The following COL6A1 variants were observed in gnomAD, a reference collection of about 807,000 sequenced individuals.
COL6A1 encodes the protein collagen alpha-1(VI) chain.
COL6A1 carries 80 observed loss-of-function variants against 145.6 expected under a neutral mutation model. The observed-to-expected ratio is 0.55, with a 90% confidence interval of 0.46 to 0.66. The LOEUF is 0.66. COL6A1 is among the 30% of genes least tolerant of loss of function. The pLI is 0.00. For synonymous variants in COL6A1, 638 were observed against 622.8 expected (o/e 1.02, Z -0.36); for missense variants, 1,364 against 1,473.8 (o/e 0.93, Z 1.22).
In COL6A1 at chr21:45,990,777, A is replaced by C. The variant is rs2077772047; in HGVS notation, c.1007A>C (p.Glu336Ala). The part of the protein sequence containing the change: ...GIDGVDGVKG[E>A]MGYPGLPGCK... ...TAGTTTTCTTCCTCTTTCCAGGGGG[A>C]GATGGGGTACCCAGGCCTGCCAGGC... Residue 336 changes from glutamate (E) to alanine (A), a missense_variant, in exon 14 of 35, where the codon GAG (glutamate) becomes GCG (alanine). Around this residue, in one of 3 missense-constraint regions of COL6A1, gnomAD observed 938 missense variants for 1,003.8 expected, o/e 0.93. Transcript: ENST00000361866. 1.2e-6 allele frequency: 2 copies of C among 1,612,812 alleles called. No homozygotes were observed. Among genetic ancestry groups the C allele is most frequent in the East Asian group, 4.5e-5 (2 of 44,830 alleles).
rs560001473 is a variant in COL6A1, at chr21:45,987,019, C to T, written c.664C>T (p.Arg222Cys). The T allele has an allele frequency of 6.4e-6, 10 of 1,551,350 alleles. No homozygotes were observed. The highest frequency in any genetic ancestry group is 2.7e-5 in the African/African-American group (2 of 73,368). The part of the protein sequence containing the change: ...NFTAADWGQS[R>C]DAEEAISQTI... ...CACGGCGGCTGACTGGGGCCAGAGC[C>T]GCGACGCAGAGGAGGCCATCAGCCA... The change falls in exon 5 of 35, where the codon CGC (arginine) becomes TGC (cysteine). Residue 222 changes from arginine to cysteine, a missense_variant. Physicochemically the swap from Arg to Cys is radical, Grantham distance 180 (BLOSUM62 -3). Transcript: ENST00000361866.
At chr21:45,982,833 G>T in intron 2 of COL6A1, 70 bp downstream of exon 2, 2 of 1,593,492 alleles carry the variant, frequency 1.3e-6, no homozygotes, top group Non-Finnish European at 1.7e-6. Context: ...GGGGGCCCAG[G>T]GGAACACGGG....
chr21:46,004,496 T>G lies in COL6A1; in HGVS notation c.*483T>G, dbSNP rs1484006352. ...GCCGCACTAGCCTCCCTCTCCTCTG[T>G]CCCCATAGCTGGTTTTTCCCACCAA... On this transcript the variant is annotated 3_prime_UTR_variant, in exon 35 of 35. Transcript: ENST00000361866. The G allele has an allele frequency of 9.4e-6, 3 of 318,636 alleles. No homozygotes were observed. The highest frequency in any genetic ancestry group is 1.9e-5 in the Non-Finnish European group (3 of 156,430). The allele number at this position is 318,636 out of a possible 1,614,324, so 19.7% of individuals were successfully genotyped here. A position where few individuals can be genotyped will look rare whatever the true frequency, so the allele number is the denominator to read the frequency against.
rs7275706 is a variant in COL6A1, at chr21:45,992,092, C to T, written c.1182+20C>T. The T allele has an allele frequency of 1.3e-3, 2,095 of 1,613,386 alleles. 18 individuals are homozygous for T. The African/African-American group carries it at 0.023, about 17-fold the overall frequency. On this transcript the variant is annotated intron_variant, in intron 16 of 34. Coordinates refer to ENST00000361866, the MANE Select transcript of COL6A1 (RefSeq NM_001848.3). Reference sequence around the variant, plus strand: ...GACGAGGTGAGGAGCTTCACAGCCCCCACACATGCCAGGTATGGGCCCAGG... The same window carrying T: ...GACGAGGTGAGGAGCTTCACAGCCCTCACACATGCCAGGTATGGGCCCAGG...
chr21:46,002,729 G>A lies in COL6A1; in HGVS notation c.2434+19G>A, dbSNP rs571644858. ...TGCATAGGTGCGCATGGGGCCACCC[G>A]GGCAGTCCCAGATCTGCGTAGGTGC... On this transcript the variant is annotated intron_variant, in intron 33 of 34. Transcript: ENST00000361866. 4.5e-5 allele frequency: 71 copies of A among 1,562,802 alleles called. No homozygotes were observed. The highest frequency in any genetic ancestry group is 3.7e-4 in the African/African-American group (27 of 72,360).
chr21:45,988,986 G>T, intron 8 of COL6A1, 98 bp from the exon 9 acceptor site: 1 of 1,454,474 alleles, frequency 6.9e-7, no homozygotes, highest in Non-Finnish European at 9.5e-7. Flanking sequence ...CTTGATCCCT[G>T]AAGGCTGGAT....
At chr21:45,991,070 AG>A (rs1215987072) in intron 15 of COL6A1, 29 bp downstream of exon 15, 2 of 1,610,888 alleles carry the variant, frequency 1.2e-6, no homozygotes, top group Admixed American at 3.3e-5. Context: ...CTGGAGGACC[AG>A]GGCCTTCACG....
chr21:46,002,114 A>G (rs774524890), intron 31 of COL6A1, 44 bp downstream of exon 31: 2 of 1,585,156 alleles, frequency 1.3e-6, no homozygotes, highest in East Asian at 4.5e-5. Context: ...CCTCGCCCCG[A>G]CCGCTGTTCC....
At chr21:45,983,240 C>T (rs1214744796) in intron 2 of COL6A1, among the ~76,000 whole-genome samples, 2 of 152,070 alleles carry the variant, frequency 1.3e-5, no homozygotes, top group African/African-American at 2.4e-5. Flanking sequence ...ACTCGGGAGC[C>T]AGGAGGGGTG....
At chr21:45,990,490 AGTGGACGGCGTGAAGGTGACCCGGG>A in intron 13 of COL6A1, 68 bp downstream of exon 13, 3 of 201,098 alleles carry the variant, frequency 1.5e-5, no homozygotes, top group Non-Finnish European at 2.6e-5. Context: ...GGAGGGACGG[AGTGGACGGCGTGAAGGTGACCCGGG>A]GAGGGATGGG....
chr21:46,004,692 T>A lies in COL6A1; in HGVS notation c.*679T>A, dbSNP rs953098248. ...CTGAGGGTCCTGCTGGTGACCGGCC[T>A]GGACCTTGGCCCTACAGCCCTGGAG... On this transcript the variant is annotated 3_prime_UTR_variant, in exon 35 of 35. Coordinates refer to ENST00000361866, the MANE Select transcript of COL6A1 (RefSeq NM_001848.3). 1 of 453,254 alleles carries A rather than the reference T, an allele frequency of 2.2e-6. No individual in the cohort carries two copies. Among genetic ancestry groups the A allele is most frequent in the Non-Finnish European group, 4.4e-6 (1 of 225,118 alleles). The allele number at this position is 453,254 out of a possible 1,614,324, so 28.1% of individuals were successfully genotyped here.
At chr21:45,992,668 A>T in intron 18 of COL6A1, 80 bp from the exon 19 acceptor site, 3 of 1,408,134 alleles carry the variant, frequency 2.1e-6, no homozygotes, top group Non-Finnish European at 2.9e-6. Flanking sequence ...GAGTCAGTCC[A>T]GGCCAGGCCT....
chr21:45,985,876 C>T (rs946371928), intron 3 of COL6A1, among the ~76,000 whole-genome samples: 3 of 152,194 alleles, frequency 2.0e-5, no homozygotes, highest in Admixed American at 1.3e-4. Context: ...GGAAGTCGTC[C>T]GCTGTCTGCA....
intron 34 of COL6A1, 54 bp from the exon 35 acceptor site, chr21:46,003,337 C>G: frequency 6.2e-7 from 1 of 1,600,512 alleles, no homozygotes; most frequent in Non-Finnish European, 8.5e-7. Context: ...GGCCGGCCCA[C>G]TGCGGCTGCA....
intron 6 of COL6A1, 119 bp downstream of exon 6, chr21:45,987,294 C>G: frequency 6.6e-7 from 1 of 1,525,344 alleles, no homozygotes; most frequent in Non-Finnish European, 8.9e-7. Flanking sequence ...GGACACATGT[C>G]CCCTGCGTGT....
At chr21:45,990,229 C>G (rs760112378) in intron 11 of COL6A1, 29 bp from the exon 12 acceptor site, 5 of 1,612,650 alleles carry the variant, frequency 3.1e-6, no homozygotes, top group Non-Finnish European at 4.2e-6. Flanking sequence ...CCCCAAATAC[C>G]CCCTCACACC....
intron 2 of COL6A1, 138 bp from the exon 3 acceptor site, chr21:45,984,131 C>T (rs2077723830): frequency 1.1e-6 from 1 of 915,486 alleles, no homozygotes; most frequent in Non-Finnish European, 1.7e-6. Context: ...GCCTCAGGGC[C>T]ACAGGGCAAG....
intron 1 of COL6A1, 96 bp from the exon 2 acceptor site, chr21:45,982,538 T>C: frequency 1.9e-6 from 3 of 1,578,456 alleles, no homozygotes; most frequent in Non-Finnish European, 1.7e-6. Flanking sequence ...CGGGGCTCTG[T>C]GCTGCAGGCG....
chr21:46,003,121 CAAGAA>C lies in COL6A1; in HGVS notation c.2437_2441del (p.Lys813ValfsTer15). The stretch of plus-strand genomic sequence containing the variant: ...CTGCACGGCTTTTCTCTTTTACAGA[CAAGAA>C]GTGTCCAGATTACACCTGCCCCAGT... On this transcript the variant is annotated frameshift_variant and splice_region_variant, in exon 34 of 35. Transcript: ENST00000361866. LOFTEE classifies it high-confidence loss of function. The C allele has an allele frequency of 6.2e-7, 1 of 1,614,096 alleles. No individual in the cohort carries two copies. The highest frequency in any genetic ancestry group is 8.5e-7 in the Non-Finnish European group (1 of 1,179,972).
Sources: gnomAD v4.1 joint callset for allele counts (sites outside exome capture counted in the v4.1 genomes callset) on GRCh38, gnomAD v4.1.1 for gene constraint, gnomAD v4.1.1 regional missense constraint, MANE v1.5 for transcripts, NCBI Gene and HGNC (gene_info 2026-07-23, HGNC 2026-07-21) for gene names.